Variants in FYB2 observed in about 807,000 individuals in gnomAD.
The protein encoded by FYB2 is FYN-binding protein 2.
In FYB2, 103 loss-of-function variants were observed where a neutral mutation model predicts 94.1. The observed-to-expected ratio is 1.09, with a 90% CI of 0.93 to 1.29. The LOEUF is 1.29. Among genes scored for constraint, FYB2 ranks in the 50% most tolerant of loss-of-function variants. The probability of loss-of-function intolerance (pLI) is 0.00; values close to 1 mark genes in which losing one functional copy is unlikely to be tolerated. For missense variants in FYB2, 896 were observed against 841.5 expected (o/e 1.06, Z -0.80); for synonymous variants, 293 against 287.9 (o/e 1.02, Z -0.18).
At chr1:56,734,364 C>T (rs1389817794) in intron 15 of FYB2, among the ~76,000 whole-genome samples, 7 of 152,026 alleles carry the variant, frequency 4.6e-5, no homozygotes, top group Non-Finnish European at 8.8e-5. Flanking sequence ...GACTCTCTAT[C>T]CAATTTGCCA....
chr1:56,725,151 T>C (rs879703254), intron 16 of FYB2, among the ~76,000 whole-genome samples: 4 of 152,064 alleles, frequency 2.6e-5, no homozygotes, highest in Admixed American at 6.6e-5. Context: ...TACAGAACCA[T>C]GAACTAAATA....
intron 8 of FYB2, 45 bp downstream of exon 8, chr1:56,753,794 G>T: frequency 7.2e-7 from 1 of 1,384,760 alleles, no homozygotes. Context: ...CCCATGAACT[G>T]ATCTGTTATA....
chr1:56,733,148 A>G (rs1253075565), intron 15 of FYB2, among the ~76,000 whole-genome samples: 2 of 152,020 alleles, frequency 1.3e-5, no homozygotes, highest in African/African-American at 2.4e-5. Flanking sequence ...AAAAAAATTC[A>G]ATTAAAAAAT....
At chr1:56,789,236 A>G in intron 2 of FYB2, 102 bp from the exon 3 acceptor site, 3 of 1,309,148 alleles carry the variant, frequency 2.3e-6, no homozygotes, top group Non-Finnish European at 3.1e-6. Flanking sequence ...CGTCCAATCT[A>G]TTCTCCACCC....
chr1:56,738,088 C>A (rs924415947), intron 14 of FYB2, among the ~76,000 whole-genome samples: 1 of 152,060 alleles, frequency 6.6e-6, no homozygotes, highest in Non-Finnish European at 1.5e-5. Context: ...ATGTACTGAA[C>A]GTGTATTGAC....
At chr1:56,740,886 T>C in intron 12 of FYB2, 91 bp from the exon 13 acceptor site, 1 of 809,878 alleles carries the variant, frequency 1.2e-6, no homozygotes, top group Non-Finnish European at 1.9e-6. Flanking sequence ...ATGCCACATG[T>C]TCTCACTTGT....
At chr1:56,720,357 A>G in intron 17 of FYB2, 28 bp from the exon 18 acceptor site, 1 of 1,553,058 alleles carries the variant, frequency 6.4e-7, no homozygotes, top group Non-Finnish European at 8.7e-7. Context: ...TAATCAGACC[A>G]TTCTTGCATA....
upstream of FYB2, among the ~76,000 whole-genome samples, chr1:56,823,152 G>T (rs1237916242): frequency 6.6e-6 from 1 of 152,134 alleles, no homozygotes; most frequent in Non-Finnish European, 1.5e-5. Context: ...GATGAATGAA[G>T]AAAGTGAGGC....
upstream of FYB2, among the ~76,000 whole-genome samples, chr1:56,823,071 C>A (rs891534487): frequency 1.3e-5 from 2 of 152,046 alleles, no homozygotes; most frequent in Non-Finnish European, 2.9e-5. Flanking sequence ...GTGTAGCAGG[C>A]TACACAGTTG....
chr1:56,783,869 A>C (rs1265941811), intron 4 of FYB2, among the ~76,000 whole-genome samples: 2 of 152,178 alleles, frequency 1.3e-5, no homozygotes, highest in African/African-American at 4.8e-5. Context: ...TCATCAATGA[A>C]TTTTTGAAGA....
intron 17 of FYB2, among the ~76,000 whole-genome samples, chr1:56,723,155 C>T (rs1357343791): frequency 6.6e-6 from 1 of 151,832 alleles, no homozygotes; most frequent in African/African-American, 2.4e-5. Flanking sequence ...TTGAATGAGA[C>T]AGGGTTTCTT....
intron 9 of FYB2, among the ~76,000 whole-genome samples, chr1:56,749,973 C>T (rs183504880): frequency 1.2e-4 from 19 of 152,064 alleles, no homozygotes; most frequent in African/African-American, 4.6e-4. Flanking sequence ...TTCATATTGC[C>T]TAGTCCACCA....
chr1:56,791,620 C>T (rs576829116), intron 2 of FYB2, among the ~76,000 whole-genome samples: 7 of 152,024 alleles, frequency 4.6e-5, no homozygotes, highest in Admixed American at 3.9e-4. Context: ...AAGAGCTTGC[C>T]GACAGATTCA....
chr1:56,753,757 A>C (rs949704812), intron 8 of FYB2, 82 bp downstream of exon 8: 3 of 874,608 alleles, frequency 3.4e-6, no homozygotes, highest in Non-Finnish European at 5.6e-6. Context: ...CTCTCTGAAG[A>C]GCTCTCTCAG....
At chr1:56,775,539 G>A (rs1455710525) in intron 4 of FYB2, among the ~76,000 whole-genome samples, 2 of 152,114 alleles carry the variant, frequency 1.3e-5, no homozygotes, top group Non-Finnish European at 2.9e-5. Flanking sequence ...TTGGCTCTAT[G>A]AAATAGATAC....
chr1:56,798,120 T>C (rs12033684), intron 1 of FYB2, among the ~76,000 whole-genome samples: 8,259 of 152,260 alleles, frequency 0.054, 416 homozygotes, highest in East Asian at 0.22. Flanking sequence ...AGTGAATAGA[T>C]ATTTAGAAAA....
chr1:56,773,976 C>T (rs566194315), intron 4 of FYB2, among the ~76,000 whole-genome samples: 17 of 152,182 alleles, frequency 1.1e-4, no homozygotes, highest in African/African-American at 3.9e-4. Context: ...TACTCATAGC[C>T]CTTCACCCTA....
At chr1:56,759,371 T>C (rs898395814) in intron 5 of FYB2, among the ~76,000 whole-genome samples, 2 of 152,132 alleles carry the variant, frequency 1.3e-5, no homozygotes, top group African/African-American at 2.4e-5. Flanking sequence ...AACATACTTA[T>C]ACAAACCTAG....
upstream of FYB2, chr1:56,824,471 A>T (rs1024618845): frequency 6.6e-6 from 1 of 152,126 alleles, no homozygotes; most frequent in Non-Finnish European, 1.5e-5. Flanking sequence ...GTGACTTATG[A>T]CTCATAATTT....
Sources: allele counts gnomAD v4.1 joint callset (sites outside exome capture counted in the v4.1 genomes callset), GRCh38; gene constraint gnomAD v4.1.1; transcripts MANE v1.5; gene names NCBI Gene and HGNC (gene_info 2026-07-23, HGNC 2026-07-21).